Variants in SCN3A observed in about 807,000 individuals in gnomAD.
SCN3A encodes sodium channel protein type 3 subunit alpha.
In SCN3A, 60 loss-of-function variants were observed where a neutral mutation model predicts 187.6. That is an observed-to-expected ratio of 0.32 (90% CI 0.26 to 0.40). SCN3A has a LOEUF of 0.40. Among genes scored for constraint, SCN3A ranks in the 10% least tolerant of loss-of-function variants. SCN3A has a pLI of 1.00. For missense variants in SCN3A, 1,601 were observed against 2,428.2 expected (o/e 0.66, Z 7.16); for synonymous variants, 788 against 829.2 (o/e 0.95, Z 0.85).
At chr2:165,149,332 A>T (rs906517646) in intron 11 of SCN3A, among the ~76,000 whole-genome samples, 8 of 151,862 alleles carry the variant, frequency 5.3e-5, no homozygotes, top group Admixed American at 4.6e-4. Context: ...GAGCCACCAC[A>T]CCTGGCTAAT....
chr2:165,142,868 AC>A (rs555677460), intron 12 of SCN3A, among the ~76,000 whole-genome samples: 208 of 151,786 alleles, frequency 1.4e-3, no homozygotes, highest in African/African-American at 4.4e-3. Flanking sequence ...CTCCTGCCTT[AC>A]CCTCCTGAGT....
At chr2:165,091,776 C>G (rs1685117853) in intron 27 of SCN3A, 2 of 266,522 alleles carry the variant, frequency 7.5e-6, no homozygotes, top group East Asian at 2.0e-4. Flanking sequence ...ATTTGGGGTT[C>G]TATAATTCCC....
chr2:165,098,712 A>G (rs1685471806), intron 22 of SCN3A, among the ~76,000 whole-genome samples: 1 of 152,254 alleles, frequency 6.6e-6, no homozygotes. Context: ...ACACACCACC[A>G]CAGGTTCTCC....
At chr2:165,110,448 C>T in intron 21 of SCN3A, among the ~76,000 whole-genome samples, 1 of 152,144 alleles carries the variant, frequency 6.6e-6, no homozygotes, top group East Asian at 1.9e-4. Context: ...TCGAAAGATA[C>T]ATTTGAAAGG....
chr2:165,096,675 C>A (rs1685378487), intron 23 of SCN3A, among the ~76,000 whole-genome samples, 155 bp from the exon 24 acceptor site: 2 of 151,866 alleles, frequency 1.3e-5, no homozygotes, highest in African/African-American at 4.8e-5. Flanking sequence ...AATAGAAAAA[C>A]ATTTGTATTT....
intron 26 of SCN3A, chr2:165,094,020 A>G (rs1685239956): frequency 1.2e-5 from 3 of 245,076 alleles, no homozygotes; most frequent in Non-Finnish European, 2.4e-5. Flanking sequence ...TTAAGAATGG[A>G]GGGAGCAGAG....
In SCN3A at chr2:165,154,442, C is replaced by G. The variant is rs1475318773; in HGVS notation, c.1380+10G>C. Reference sequence around the variant, plus strand: ...AATAATGATAAATCTTTGCTTTTATCACTCAGTACCTGAGCTTCTTCCTGT... The same window carrying G: ...AATAATGATAAATCTTTGCTTTTATGACTCAGTACCTGAGCTTCTTCCTGT... On this transcript the variant is annotated intron_variant, in intron 11 of 27. Transcript: ENST00000283254. The G allele has an allele frequency of 3.1e-6, 5 of 1,613,168 alleles. No homozygotes were observed. The highest frequency in any genetic ancestry group is 4.2e-6 in the Non-Finnish European group (5 of 1,179,360).
At chr2:165,100,551 C>T (rs988780606) in intron 21 of SCN3A, 127 bp from the exon 22 acceptor site, 6 of 889,224 alleles carry the variant, frequency 6.7e-6, no homozygotes, top group Non-Finnish European at 1.1e-5. Flanking sequence ...CTTTCATCTT[C>T]CACATAGTGG....
In SCN3A at chr2:165,147,094, A is replaced by G; in HGVS notation, c.1381-65T>C. ...GCTTTGAAAACAGTTGAGTATGGTTAAAATATTGCCATTTAAGACTCATTA... is the reference window on the plus strand; with the variant it reads ...GCTTTGAAAACAGTTGAGTATGGTTGAAATATTGCCATTTAAGACTCATTA... On this transcript the variant is annotated intron_variant, in intron 11 of 27. Transcript: ENST00000283254. 6 of 1,582,480 alleles carry G rather than the reference A, an allele frequency of 3.8e-6. No homozygotes were observed. In the South Asian group the frequency reaches 6.7e-5, roughly 18 times the overall value.
intron 20 of SCN3A, 107 bp downstream of exon 20, chr2:165,113,709 G>C: frequency 8.1e-7 from 1 of 1,229,300 alleles, no homozygotes; most frequent in Non-Finnish European, 1.2e-6. Flanking sequence ...GCAAGACACA[G>C]ATATGCCTTT....
chr2:165,153,081 G>C (rs1688788544), intron 11 of SCN3A, among the ~76,000 whole-genome samples: 1 of 149,358 alleles, frequency 6.7e-6, no homozygotes, highest in Non-Finnish European at 1.5e-5. Context: ...GGAATTAAGA[G>C]AGTGTGGTAC....
chr2:165,103,275 C>T (rs1414465761), intron 21 of SCN3A, among the ~76,000 whole-genome samples: 2 of 152,162 alleles, frequency 1.3e-5, no homozygotes, highest in African/African-American at 4.8e-5. Flanking sequence ...CTCTTTCACT[C>T]ATTATCTTTG....
intron 4 of SCN3A, among the ~76,000 whole-genome samples, 171 bp from the exon 5 acceptor site, chr2:165,168,996 ACT>A (rs991151767): frequency 6.6e-6 from 1 of 151,796 alleles, no homozygotes; most frequent in African/African-American, 2.4e-5. Flanking sequence ...GCCTTGGTGC[ACT>A]CTTTTTTTCA....
At chr2:165,160,348 A>G (rs1689287317) in intron 9 of SCN3A, among the ~76,000 whole-genome samples, 1 of 152,176 alleles carries the variant, frequency 6.6e-6, no homozygotes, top group Non-Finnish European at 1.5e-5. Flanking sequence ...ACGTGCTTGA[A>G]TCATCCTGAA....
At chr2:165,185,381 C>T (rs940749354) in intron 2 of SCN3A, among the ~76,000 whole-genome samples, 3 of 152,102 alleles carry the variant, frequency 2.0e-5, no homozygotes, top group Non-Finnish European at 4.4e-5. Flanking sequence ...TGTTTAAGGA[C>T]CAGGTATATG....
chr2:165,154,819 T>A (rs1688919373), intron 10 of SCN3A, among the ~76,000 whole-genome samples, 161 bp from the exon 11 acceptor site: 3 of 152,184 alleles, frequency 2.0e-5, no homozygotes, highest in Non-Finnish European at 4.4e-5. Flanking sequence ...ACACACAAAA[T>A]TAAGAATCAG....
intron 19 of SCN3A, 144 bp downstream of exon 19, chr2:165,115,311 C>T: frequency 2.3e-6 from 2 of 875,384 alleles, no homozygotes; most frequent in South Asian, 1.5e-5. Flanking sequence ...AAGCAATCCT[C>T]CTACCGTAGC....
intron 19 of SCN3A, among the ~76,000 whole-genome samples, chr2:165,114,746 AG>A (rs1023793326): frequency 1.3e-5 from 2 of 152,226 alleles, no homozygotes; most frequent in African/African-American, 4.8e-5. Flanking sequence ...TGGAACTGTA[AG>A]GGAGGGAATG....
At chr2:165,155,360 CTCCCTT>C (rs1012805372) in intron 10 of SCN3A, among the ~76,000 whole-genome samples, 6 of 152,064 alleles carry the variant, frequency 3.9e-5, no homozygotes, top group East Asian at 1.9e-4. Flanking sequence ...ATTCCCTTCT[CTCCCTT>C]TCCCTTTCCC....
Sources: gnomAD v4.1 joint callset for allele counts (sites outside exome capture counted in the v4.1 genomes callset) on GRCh38, gnomAD v4.1.1 for gene constraint, MANE v1.5 for transcripts, NCBI Gene and HGNC (gene_info 2026-07-23, HGNC 2026-07-21) for gene names.